The following COP1 variants were observed in gnomAD, a reference collection of about 807,000 sequenced individuals.
COP1 encodes the protein COP1 E3 ubiquitin ligase.
COP1 carries 24 observed loss-of-function variants against 101.3 expected under a neutral mutation model. That is an observed-to-expected ratio of 0.24 (90% CI 0.17 to 0.33). The LOEUF (loss-of-function observed/expected upper bound fraction) is 0.33. COP1 is among the 10% of genes least tolerant of loss of function. COP1 has a pLI of 1.00. For synonymous variants in COP1, 347 were observed against 341.9 expected (o/e 1.01, Z -0.17); for missense variants, 663 against 906.2 (o/e 0.73, Z 3.45).
chr1:176,043,871 A>G (rs1671052618), intron 12 of COP1, 53 bp from the exon 13 acceptor site: 2 of 1,025,576 alleles, frequency 2.0e-6, no homozygotes, highest in Admixed American at 3.6e-5. Flanking sequence ...TAACAATGGG[A>G]TAAAAATAAT....
chr1:175,965,568 T>G (rs1004925954), intron 18 of COP1, among the ~76,000 whole-genome samples: 8 of 104,284 alleles, frequency 7.7e-5, no homozygotes, highest in African/African-American at 1.4e-4. Context: ...CTTATCTGGG[T>G]TTTTTTTTTG....
chr1:176,026,496 CAAAG>C (rs1416270635), intron 15 of COP1, among the ~76,000 whole-genome samples: 16 of 151,882 alleles, frequency 1.1e-4, no homozygotes, highest in African/African-American at 3.9e-4. Context: ...TAATTTGTGA[CAAAG>C]TAAGTATTTA....
chr1:175,966,312 C>CACACACAT (rs1471824131), intron 18 of COP1, among the ~76,000 whole-genome samples: 8 of 127,172 alleles, frequency 6.3e-5, no homozygotes, highest in African/African-American at 2.2e-4. Context: ...CACACACACA[C>CACACACAT]ACAAACACTT....
intron 6 of COP1, among the ~76,000 whole-genome samples, chr1:176,141,804 C>A (rs2149780714): frequency 6.6e-6 from 1 of 151,600 alleles, no homozygotes; most frequent in South Asian, 2.1e-4. Context: ...AATCTCAGTT[C>A]ACTGCAGCCT....
intron 6 of COP1, among the ~76,000 whole-genome samples, chr1:176,144,859 A>G (rs2149797902): frequency 6.6e-6 from 1 of 152,282 alleles, no homozygotes; most frequent in East Asian, 1.9e-4. Flanking sequence ...TATACACAAA[A>G]ATAAATCTTC....
intron 18 of COP1, among the ~76,000 whole-genome samples, chr1:175,969,878 G>A (rs1652901799): frequency 6.6e-6 from 1 of 152,086 alleles, no homozygotes; most frequent in Non-Finnish European, 1.5e-5. Context: ...AGCAATGATA[G>A]TACTATTAGT....
At chr1:176,157,707 T>C (rs962410329) in intron 5 of COP1, among the ~76,000 whole-genome samples, 3 of 152,140 alleles carry the variant, frequency 2.0e-5, no homozygotes, top group African/African-American at 7.2e-5. Flanking sequence ...TATAAAGGAT[T>C]ACAAAAATAT....
intron 2 of COP1, 92 bp downstream of exon 2, chr1:176,184,541 G>A (rs886352011): frequency 4.0e-6 from 4 of 991,102 alleles, no homozygotes; most frequent in Admixed American, 4.5e-5. Context: ...CATAATCAAA[G>A]TTGGTTTAAA....
chr1:175,979,336 T>C (rs1655272728), intron 18 of COP1, among the ~76,000 whole-genome samples: 1 of 152,154 alleles, frequency 6.6e-6, no homozygotes, highest in African/African-American at 2.4e-5. Flanking sequence ...TTTTATACTT[T>C]AATGAAAGCA....
intron 18 of COP1, among the ~76,000 whole-genome samples, chr1:175,967,612 G>T (rs1217346530): frequency 6.6e-6 from 1 of 152,162 alleles, no homozygotes; most frequent in African/African-American, 2.4e-5. Flanking sequence ...ACACACAACA[G>T]GAAAAACCAA....
At chr1:176,010,793 T>C (rs901920941) in intron 15 of COP1, among the ~76,000 whole-genome samples, 5 of 152,334 alleles carry the variant, frequency 3.3e-5, no homozygotes, top group Admixed American at 3.3e-4. Context: ...AAATGTCAAA[T>C]GTCGGTAACA....
intron 6 of COP1, among the ~76,000 whole-genome samples, chr1:176,142,422 C>A (rs1234590971): frequency 6.6e-6 from 1 of 151,922 alleles, no homozygotes; most frequent in South Asian, 2.1e-4. Context: ...CTGAGTCTGG[C>A]AGAGTAGATT....
chr1:176,046,308 C>T lies in COP1; in HGVS notation c.1294G>A (p.Asp432Asn). 6.2e-7 allele frequency: 1 copy of T among 1,608,794 alleles called. No individual in the cohort carries two copies. The highest frequency in any genetic ancestry group is 2.2e-5 in the East Asian group (1 of 44,606). Reference sequence around the variant, plus strand: ...CCAGCAATCGCAAAATAGTCACAATCCCGGTCAAATTCAATACTAAGGGGA... The same window carrying T: ...CCAGCAATCGCAAAATAGTCACAATTCCGGTCAAATTCAATACTAAGGGGA... ...SIVSSIEFDR[D>N]CDYFAIAGVT... Residue 432 changes from aspartate (D) to asparagine (N), a missense_variant, in exon 12 of 20, where the codon GAT becomes AAT. By Grantham distance (23) the Asp-to-Asn change is conservative. Coordinates refer to ENST00000367669, the MANE Select transcript of COP1 (RefSeq NM_022457.7).
At chr1:176,119,549 T>C (rs1686759991) in intron 8 of COP1, among the ~76,000 whole-genome samples, 1 of 152,144 alleles carries the variant, frequency 6.6e-6, no homozygotes, top group Non-Finnish European at 1.5e-5. Context: ...CTTAATTTTA[T>C]TCACTAAGAA....
chr1:176,025,100 T>C (rs1378671975), intron 15 of COP1, among the ~76,000 whole-genome samples: 2 of 152,160 alleles, frequency 1.3e-5, no homozygotes, highest in Non-Finnish European at 2.9e-5. Flanking sequence ...CAATTGGTGC[T>C]AAAAGGTACT....
In COP1 at chr1:176,083,300, C is replaced by A. The variant is rs1679531318; in HGVS notation, c.1142-2013G>T. ...TTCCTAAGTACATAAAACTCACAAG[C>A]ATTCAATATTGTGTATTCTGTTCTA... On this transcript the variant is annotated intron_variant, in intron 10 of 19. Coordinates refer to ENST00000367669, the MANE Select transcript of COP1 (RefSeq NM_022457.7). Among the ~76,000 whole-genome samples the A allele has an allele frequency of 2.0e-5, 3 of 152,160 alleles. No individual in the cohort carries two copies. In the South Asian group the frequency reaches 6.2e-4, roughly 31 times the overall value.
chr1:176,114,589 G>A (rs565796191), intron 9 of COP1, among the ~76,000 whole-genome samples: 6 of 147,766 alleles, frequency 4.1e-5, no homozygotes, highest in African/African-American at 1.5e-4. Context: ...TTTTTTTTGC[G>A]GGGGGAGGGA....
chr1:175,954,190 A>G (rs1392042588), intron 18 of COP1, among the ~76,000 whole-genome samples: 2 of 152,208 alleles, frequency 1.3e-5, no homozygotes, highest in Non-Finnish European at 1.5e-5. Flanking sequence ...ATACTCCCAA[A>G]TAACCCAGGG....
At chr1:175,950,955 T>G (rs1649815234) in intron 18 of COP1, among the ~76,000 whole-genome samples, 1 of 152,238 alleles carries the variant, frequency 6.6e-6, no homozygotes, top group South Asian at 2.1e-4. Flanking sequence ...AGACAATACA[T>G]TAAAAATCTG....
Sources: gnomAD v4.1 joint callset for allele counts (sites outside exome capture counted in the v4.1 genomes callset) on GRCh38, gnomAD v4.1.1 for gene constraint, MANE v1.5 for transcripts, NCBI Gene and HGNC (gene_info 2026-07-23, HGNC 2026-07-21) for gene names.